Variants in SDK1 observed in about 807,000 individuals in gnomAD.
SDK1 encodes protein sidekick-1.
A neutral mutation model predicts 245.5 loss-of-function variants in SDK1; 157 were observed. The ratio of observed to expected loss-of-function variants is 0.64; its 90% CI spans 0.56 to 0.73. SDK1 has a LOEUF of 0.73. Among genes scored for constraint, SDK1 ranks in the 30% least tolerant of loss-of-function variants. The probability of loss-of-function intolerance (pLI) is 0.00; values close to 1 mark genes in which losing one functional copy is unlikely to be tolerated. For missense variants in SDK1, 3,583 were observed against 3,002.3 expected, an observed-to-expected ratio of 1.19 and a Z score of -4.52; for synonymous variants, 1,647 against 1,278.5, an observed-to-expected ratio of 1.29 and a Z score of -6.15.
chr7:3,792,165 T>C (rs1452759523), intron 4 of SDK1, among the ~76,000 whole-genome samples: 3 of 151,988 alleles, frequency 2.0e-5, no homozygotes, highest in Admixed American at 1.3e-4. Flanking sequence ...AACCCTTGCA[T>C]TAACCTTAAA....
At chr7:3,320,973 T>C (rs1562411866) in intron 1 of SDK1, among the ~76,000 whole-genome samples, 1 of 152,314 alleles carries the variant, frequency 6.6e-6, no homozygotes, top group East Asian at 1.9e-4. Flanking sequence ...GTTGCCTGTA[T>C]ACTCCAGACA....
chr7:3,594,502 G>A (rs1354191630), intron 1 of SDK1, among the ~76,000 whole-genome samples: 5 of 152,142 alleles, frequency 3.3e-5, no homozygotes, highest in Admixed American at 6.5e-5. Flanking sequence ...ATGGTAACTT[G>A]ATACCTAACA....
intron 1 of SDK1, among the ~76,000 whole-genome samples, chr7:3,524,562 G>T (rs1244554470): frequency 1.3e-5 from 2 of 152,112 alleles, no homozygotes; most frequent in Non-Finnish European, 2.9e-5. Context: ...ATGTACACTT[G>T]TACATGTACC....
chr7:4,003,155 G>A (rs935797395), intron 14 of SDK1, among the ~76,000 whole-genome samples: 8 of 152,226 alleles, frequency 5.3e-5, no homozygotes, highest in East Asian at 1.9e-4. Context: ...CTGGGCACAC[G>A]CATGTGGACA....
intron 30 of SDK1, among the ~76,000 whole-genome samples, chr7:4,153,814 C>G (rs1378019967): frequency 6.6e-6 from 1 of 151,786 alleles, no homozygotes; most frequent in Non-Finnish European, 1.5e-5. Flanking sequence ...GTAGCTAAGA[C>G]TACAGGCATA....
chr7:3,338,194 C>A, intron 1 of SDK1: 1 of 263,528 alleles, frequency 3.8e-6, no homozygotes, highest in Admixed American at 4.0e-5. Context: ...AAAACATGGA[C>A]TTGTTCTTTT....
Position 3,951,934 on chromosome 7 carries a change from C to G in SDK1, c.1150+14C>G, listed in dbSNP as rs762594409. The G allele has an allele frequency of 1.2e-6, 2 of 1,606,136 alleles. No individual in the cohort carries two copies. Among genetic ancestry groups the G allele is most frequent in the Admixed American group, 1.7e-5 (1 of 57,922 alleles). ...TTTTCATCATAGGTAATGCGGGAGC[C>G]TCTAAGTGGTGTTGCCAGCATCTCA... On this transcript the variant is annotated intron_variant, in intron 7 of 44. Transcript: ENST00000404826.
chr7:3,394,200 C>T (rs1368461522), intron 1 of SDK1, among the ~76,000 whole-genome samples: 2 of 152,120 alleles, frequency 1.3e-5, no homozygotes, highest in Non-Finnish European at 2.9e-5. Flanking sequence ...CTACTTCTCC[C>T]CCGACCCTCA....
intron 4 of SDK1, among the ~76,000 whole-genome samples, chr7:3,810,789 CTAAAGTCTTG>C (rs71029700): frequency 0.042 from 6,345 of 152,188 alleles, 188 homozygotes; most frequent in Non-Finnish European, 0.057. Context: ...TTTTCCAGCA[CTAAAGTCTTG>C]TAAAGTGGAT....
intron 1 of SDK1, among the ~76,000 whole-genome samples, chr7:3,400,828 A>G (rs1778868458): frequency 6.6e-6 from 1 of 152,212 alleles, no homozygotes; most frequent in African/African-American, 2.4e-5. Context: ...CTATTATGCA[A>G]CAGAGCTTTA....
intron 4 of SDK1, among the ~76,000 whole-genome samples, chr7:3,657,809 G>A (rs1394697789): frequency 1.3e-5 from 2 of 152,200 alleles, no homozygotes; most frequent in East Asian, 3.9e-4. Context: ...AAAGAAAGCA[G>A]AGGAAGTCTT....
At chr7:4,157,659 C>A (rs1178043743) in intron 30 of SDK1, among the ~76,000 whole-genome samples, 1 of 152,170 alleles carries the variant, frequency 6.6e-6, no homozygotes, top group East Asian at 1.9e-4. Flanking sequence ...GGATGCTTGA[C>A]AGGGATGTGG....
At chr7:3,766,020 A>T (rs150825812) in intron 4 of SDK1, among the ~76,000 whole-genome samples, 73 of 152,316 alleles carry the variant, frequency 4.8e-4, no homozygotes, top group Middle Eastern at 6.8e-3. Flanking sequence ...TTGCTTCACA[A>T]GAACATGCTT....
intron 1 of SDK1, among the ~76,000 whole-genome samples, chr7:3,363,057 T>C (rs865969428): frequency 2.0e-5 from 3 of 152,178 alleles, no homozygotes; most frequent in African/African-American, 4.8e-5. Context: ...ATATTGACTT[T>C]AGTACAGTCA....
chr7:3,820,971 T>A (rs546509902), intron 4 of SDK1, among the ~76,000 whole-genome samples: 1 of 152,242 alleles, frequency 6.6e-6, no homozygotes, highest in Non-Finnish European at 1.5e-5. Context: ...TTGGCGACTT[T>A]CCTTCTACGC....
intron 32 of SDK1, among the ~76,000 whole-genome samples, chr7:4,170,455 A>G (rs898369096): frequency 1.3e-5 from 2 of 152,080 alleles, no homozygotes; most frequent in African/African-American, 4.8e-5. Flanking sequence ...TCAAAAAAAA[A>G]GAACAGAACA....
rs1292853336 is a variant in SDK1, at chr7:4,012,399, G to T, written c.2420+164G>T. ...GGTGGAGACTGTGGCAAACTGGAGT[G>T]CACAGGCCAACGTGGGCAGCCGTGC... is the stretch of plus-strand genomic sequence containing the variant. On this transcript the variant is annotated intron_variant, in intron 16 of 44. Transcript: ENST00000404826. Among the ~76,000 whole-genome samples, 5 of 152,138 alleles carry T rather than the reference G, an allele frequency of 3.3e-5. No individual in the cohort carries two copies. In the East Asian group the frequency reaches 7.7e-4, roughly 24 times the overall value.
At position 3,613,266 on chromosome 7, in the gene SDK1, G is replaced by A. The variant is rs138335262; in HGVS notation, c.299-5814G>A. Among the ~76,000 whole-genome samples the A allele has an allele frequency of 8.6e-3, 1,306 of 152,274 alleles. 10 individuals are homozygous for A. The highest frequency in any genetic ancestry group is 0.013 in the Non-Finnish European group (912 of 68,018). On this transcript the variant is annotated intron_variant, in intron 1 of 44. Coordinates refer to ENST00000404826, the MANE Select transcript of SDK1 (RefSeq NM_152744.4). ...GGCTCCAGCTGCTGCCCATGTGAAT[G>A]ATTTTTCCTCTGCAGATAGATGGGT...
At chr7:3,405,187 A>T (rs1317374491) in intron 1 of SDK1, among the ~76,000 whole-genome samples, 2 of 152,024 alleles carry the variant, frequency 1.3e-5, no homozygotes, top group East Asian at 3.9e-4. Context: ...CAAAAACAAA[A>T]AACACTTTCC....
Sources: allele counts gnomAD v4.1 joint callset (sites outside exome capture counted in the v4.1 genomes callset), GRCh38; gene constraint gnomAD v4.1.1; transcripts MANE v1.5; gene names NCBI Gene and HGNC (gene_info 2026-07-23, HGNC 2026-07-21).